CUX1: variants seen among roughly 807,000 people sequenced by gnomAD.
The protein encoded by CUX1 is cut like homeobox 1.
CUX1 carries 31 observed loss-of-function variants against 158.8 expected under a neutral mutation model. That is an observed-to-expected ratio of 0.20 (90% CI 0.15 to 0.26). The LOEUF (loss-of-function observed/expected upper bound fraction) is 0.26. Ranked by LOEUF, CUX1 falls within the 10% of genes least tolerant of loss-of-function variation. The pLI is 1.00. For synonymous variants in CUX1, 879 were observed against 862.1 expected (o/e 1.02, Z -0.34); for missense variants, 1,589 against 2,014.6 (o/e 0.79, Z 4.04).
intron 1 of CUX1, among the ~76,000 whole-genome samples, chr7:101,866,958 C>T (rs947281931): frequency 3.0e-4 from 45 of 152,314 alleles, no homozygotes; most frequent in Admixed American, 5.9e-4. Context: ...TGGTGGCTCA[C>T]GCCTGTAATC....
At chr7:102,064,591 T>TG (rs1399031248) in intron 3 of CUX1, among the ~76,000 whole-genome samples, 1 of 152,120 alleles carries the variant, frequency 6.6e-6, no homozygotes, top group Non-Finnish European at 1.5e-5. Flanking sequence ...GGCGGGTGTG[T>TG]GGGGGGCATG....
At chr7:101,978,371 A>G (rs886915384) in intron 2 of CUX1, among the ~76,000 whole-genome samples, 1 of 152,078 alleles carries the variant, frequency 6.6e-6, no homozygotes, top group Non-Finnish European at 1.5e-5. Context: ...GCTAAAACCT[A>G]GGTGTGCCCT....
intron 2 of CUX1, among the ~76,000 whole-genome samples, chr7:101,988,530 C>T (rs1473886289): frequency 1.3e-5 from 2 of 152,278 alleles, no homozygotes; most frequent in Non-Finnish European, 2.9e-5. Flanking sequence ...TCCTCCTTTC[C>T]CTCCAGGTCC....
At chr7:102,003,672 A>AAT (rs1816986535) in intron 2 of CUX1, among the ~76,000 whole-genome samples, 1 of 152,088 alleles carries the variant, frequency 6.6e-6, no homozygotes, top group African/African-American at 2.4e-5. Flanking sequence ...TCATCCCTGG[A>AAT]ATGGGGTGTT....
At chr7:101,949,180 G>A (rs1264602186) in intron 2 of CUX1, among the ~76,000 whole-genome samples, 1 of 152,026 alleles carries the variant, frequency 6.6e-6, no homozygotes. Context: ...CGCCCAGGCT[G>A]GAGTGCAGTA....
At chr7:102,230,401 C>T (rs1798835884) in intron 21 of CUX1, among the ~76,000 whole-genome samples, 1 of 150,922 alleles carries the variant, frequency 6.6e-6, no homozygotes, top group African/African-American at 2.4e-5. Flanking sequence ...GGGAGGATCA[C>T]TTGAGTCCAG....
chr7:102,179,136 C>T (rs1229540168), intron 11 of CUX1, among the ~76,000 whole-genome samples: 1 of 152,216 alleles, frequency 6.6e-6, no homozygotes, highest in African/African-American at 2.4e-5. Flanking sequence ...CAACCTCCAC[C>T]TCCCAGGTTC....
intron 22 of CUX1, among the ~76,000 whole-genome samples, chr7:102,238,596 A>G (rs1554533695): frequency 1.3e-5 from 2 of 152,220 alleles, no homozygotes; most frequent in African/African-American, 2.4e-5. Context: ...TTATTATACT[A>G]GAACAGCTTG....
intron 2 of CUX1, among the ~76,000 whole-genome samples, chr7:101,934,020 C>T (rs1238270949): frequency 2.6e-5 from 4 of 152,216 alleles, no homozygotes; most frequent in Admixed American, 2.6e-4. Flanking sequence ...CTCTTCCCCT[C>T]ACCCCCATCA....
In CUX1 at chr7:102,216,584, CCACACACACACTCCCACA is replaced by C. The variant is rs1172266888; in HGVS notation, c.3131-10771_3131-10754del. On this transcript the variant is annotated intron_variant, in intron 20 of 23. Transcript: ENST00000292535. ...CACACACTCCCACACACACACTCTCCCACACACACACTCCCACACACACACACACACTCCCCACACACA... is the reference window on the plus strand; with the variant it reads ...CACACACTCCCACACACACACTCTCCCACACACACACACTCCCCACACACA... Among the ~76,000 whole-genome samples the C allele has an allele frequency of 4.5e-4, 25 of 55,454 alleles. No individual in the cohort carries two copies. In the East Asian group the frequency reaches 8.3e-3, roughly 18 times the overall value. The allele number at this position is 55,454 out of a possible 152,430, so 36.4% of individuals were successfully genotyped here. A position where few individuals can be genotyped will look rare whatever the true frequency, so the allele number is the denominator to read the frequency against.
At chr7:102,005,124 G>A (rs1817169112) in intron 2 of CUX1, among the ~76,000 whole-genome samples, 1 of 152,108 alleles carries the variant, frequency 6.6e-6, no homozygotes, top group African/African-American at 2.4e-5. Flanking sequence ...GGCTCTGTCA[G>A]CTTCTACCCA....
At chr7:102,009,615 A>G (rs986517473) in intron 2 of CUX1, among the ~76,000 whole-genome samples, 1 of 152,202 alleles carries the variant, frequency 6.6e-6, no homozygotes, top group Non-Finnish European at 1.5e-5. Flanking sequence ...CTACAAGTAA[A>G]ATAATTCAGG....
At chr7:102,171,308 T>TG (rs1376927605) in intron 10 of CUX1, among the ~76,000 whole-genome samples, 4 of 152,108 alleles carry the variant, frequency 2.6e-5, no homozygotes, top group African/African-American at 4.8e-5. Context: ...GCCTGTAAAC[T>TG]GGGGGGTTGG....
At chr7:102,137,529 G>A (rs781839283) in intron 8 of CUX1, among the ~76,000 whole-genome samples, 8 of 152,164 alleles carry the variant, frequency 5.3e-5, no homozygotes, top group East Asian at 1.9e-4. Flanking sequence ...CCAGCTACTC[G>A]GGAGGCTGAG....
chr7:102,141,438 A>G (rs424028), intron 8 of CUX1, among the ~76,000 whole-genome samples: 64,219 of 151,958 alleles, frequency 0.42, 14,504 homozygotes, highest in African/African-American at 0.56. Flanking sequence ...ACCAGGTGGA[A>G]GAAGGTTGAA....
intron 1 of CUX1, among the ~76,000 whole-genome samples, chr7:101,871,885 G>T (rs750604676): frequency 3.9e-5 from 6 of 152,024 alleles, no homozygotes; most frequent in Non-Finnish European, 5.9e-5. Context: ...GGGCATGGCA[G>T]TGTGTGCCTG....
intron 6 of CUX1, among the ~76,000 whole-genome samples, chr7:102,108,109 G>A (rs1356838560): frequency 2.6e-5 from 4 of 152,146 alleles, no homozygotes; most frequent in African/African-American, 9.7e-5. Flanking sequence ...TGGAGAAATG[G>A]GTTAGTAAAA....
intron 23 of CUX1, among the ~76,000 whole-genome samples, chr7:102,247,366 G>T (rs1300089699): frequency 6.6e-6 from 1 of 152,234 alleles, no homozygotes; most frequent in Non-Finnish European, 1.5e-5. Flanking sequence ...AAGTCCTGAT[G>T]GATGCAGCGG....
chr7:101,976,921 TTTTTTTTG>T (rs1405409372), intron 2 of CUX1, among the ~76,000 whole-genome samples: 1 of 138,550 alleles, frequency 7.2e-6, no homozygotes, highest in African/African-American at 2.8e-5. Flanking sequence ...TTTTTTTTTT[TTTTTTTTG>T]GAGATGTAGT....
Sources: allele counts gnomAD v4.1 joint callset (sites outside exome capture counted in the v4.1 genomes callset), GRCh38; gene constraint gnomAD v4.1.1; transcripts MANE v1.5; gene names NCBI Gene and HGNC (gene_info 2026-07-23, HGNC 2026-07-21).